The following ASB3 variants were observed in gnomAD, a reference collection of about 807,000 sequenced individuals.
ASB3 encodes the protein ankyrin repeat and SOCS box containing 3.
Under a neutral mutation model 54.5 loss-of-function variants are expected in ASB3, and 41 were observed. The observed-to-expected ratio is 0.75, with a 90% CI of 0.59 to 0.98. The LOEUF (loss-of-function observed/expected upper bound fraction) is 0.98. Among genes scored for constraint, ASB3 ranks in the 50% least tolerant of loss-of-function variants. ASB3 has a pLI of 0.00. For missense variants in ASB3, 733 were observed against 620.0 expected, an observed-to-expected ratio of 1.18 and a Z score of -1.94; for synonymous variants, 266 against 221.2, an observed-to-expected ratio of 1.20 and a Z score of -1.80.
chr2:53,707,986 GAAAGAAAAGA>G (rs1339297561), intron 7 of ASB3, among the ~76,000 whole-genome samples: 1 of 149,736 alleles, frequency 6.7e-6, no homozygotes, highest in Non-Finnish European at 1.5e-5. Context: ...AAGAAAGAAA[GAAAGAAAAGA>G]AAAGAAAAAG....
chr2:53,701,046 G>C (rs1669464338), intron 7 of ASB3, among the ~76,000 whole-genome samples: 1 of 152,064 alleles, frequency 6.6e-6, no homozygotes, highest in South Asian at 2.1e-4. Context: ...CACAATCAAG[G>C]CTCACTGTAA....
At chr2:53,743,949 A>C (rs140071766) in intron 3 of ASB3, among the ~76,000 whole-genome samples, 3,538 of 152,112 alleles carry the variant, frequency 0.023, 55 homozygotes, top group Middle Eastern at 0.092. Context: ...AGGCTAAGGC[A>C]CAAGAATCCC....
intron 7 of ASB3, among the ~76,000 whole-genome samples, chr2:53,709,558 G>A (rs12474738): frequency 2.0e-5 from 3 of 152,174 alleles, no homozygotes; most frequent in Admixed American, 2.0e-4. Flanking sequence ...GGTGGAAAGA[G>A]CATGTTTCTC....
At chr2:53,685,460 C>T (rs1668585421) in intron 9 of ASB3, among the ~76,000 whole-genome samples, 1 of 152,172 alleles carries the variant, frequency 6.6e-6, no homozygotes, top group East Asian at 1.9e-4. Context: ...CACCTTTCCC[C>T]CACCAGAGAA....
chr2:53,731,170 G>A (rs572723674), intron 3 of ASB3, among the ~76,000 whole-genome samples: 3 of 152,310 alleles, frequency 2.0e-5, no homozygotes, highest in Admixed American at 1.3e-4. Context: ...GGGAGGCTAA[G>A]GCGGGTGGAC....
intron 2 of ASB3, among the ~76,000 whole-genome samples, chr2:53,763,840 C>G (rs74711413): frequency 0.011 from 1,635 of 152,262 alleles, 31 homozygotes; most frequent in African/African-American, 0.037. Flanking sequence ...CAAACAGATT[C>G]TGAAAACATA....
At chr2:53,767,907 G>T in intron 1 of ASB3, 1 of 1,612,966 alleles carries the variant, frequency 6.2e-7, no homozygotes, top group East Asian at 2.2e-5. Flanking sequence ...TTGGTTACGG[G>T]TCCCTGATCT....
chr2:53,682,130 AG>A (rs1668406963), intron 9 of ASB3, among the ~76,000 whole-genome samples: 1 of 150,748 alleles, frequency 6.6e-6, no homozygotes, highest in South Asian at 2.1e-4. Flanking sequence ...ACTGCACTTC[AG>A]CCTGGGTGAC....
intron 1 of ASB3, chr2:53,768,147 G>A (rs1228667130): frequency 8.9e-7 from 1 of 1,122,174 alleles, no homozygotes; most frequent in Non-Finnish European, 1.2e-6. Context: ...CATGGCTTGG[G>A]GTAACATTTC....
At chr2:53,729,427 A>T (rs375527218) in intron 4 of ASB3, 31 bp downstream of exon 4, 5 of 1,607,614 alleles carry the variant, frequency 3.1e-6, no homozygotes, top group Admixed American at 1.7e-5. Flanking sequence ...CACAATTTAC[A>T]TGGAAATGAA....
At chr2:53,690,824 TA>T (rs1164162055) in intron 9 of ASB3, among the ~76,000 whole-genome samples, 2 of 152,056 alleles carry the variant, frequency 1.3e-5, no homozygotes, top group African/African-American at 4.8e-5. Flanking sequence ...AACACAGAAA[TA>T]AAAAGATCAA....
intron 5 of ASB3, among the ~76,000 whole-genome samples, chr2:53,727,937 G>C (rs1485505530): frequency 6.6e-6 from 1 of 152,078 alleles, no homozygotes. Flanking sequence ...TGTTGGCCAG[G>C]CTGGTCTCAA....
chr2:53,737,562 A>C (rs1039153936), intron 3 of ASB3, among the ~76,000 whole-genome samples: 3 of 152,124 alleles, frequency 2.0e-5, no homozygotes, highest in African/African-American at 7.2e-5. Context: ...GTCAAACACT[A>C]CTGAGGGGCC....
rs190714790 is a variant in ASB3, at chr2:53,701,288, T to A, written c.981-760A>T. ...CATTTATAATGGTATTAAAAAAAATTTAAAAACTTTTTTAATTAACACAAA... is the reference window on the plus strand; with the variant it reads ...CATTTATAATGGTATTAAAAAAAATATAAAAACTTTTTTAATTAACACAAA... On this transcript the variant is annotated intron_variant, in intron 7 of 9. Transcript: ENST00000263634. 2.3e-3 allele frequency among the ~76,000 whole-genome samples: 353 copies of A among 152,268 alleles called. 1 individual carries two copies. Among genetic ancestry groups the A allele is most frequent in the African/African-American group, 8.1e-3 (338 of 41,558 alleles).
At chr2:53,672,081 G>T (rs1355424302) in intron 9 of ASB3, among the ~76,000 whole-genome samples, 1 of 152,168 alleles carries the variant, frequency 6.6e-6, no homozygotes, top group African/African-American at 2.4e-5. Flanking sequence ...AGCCATAGAA[G>T]TTAACTCATC....
chr2:53,769,428 T>C (rs530624398), intron 1 of ASB3, among the ~76,000 whole-genome samples: 1 of 152,380 alleles, frequency 6.6e-6, no homozygotes, highest in South Asian at 2.1e-4. Context: ...TATAACAACA[T>C]ACTTTACTAG....
intron 5 of ASB3, 59 bp from the exon 6 acceptor site, chr2:53,716,802 A>C: frequency 6.6e-7 from 1 of 1,511,960 alleles, no homozygotes; most frequent in East Asian, 2.3e-5. Flanking sequence ...AAATCAACAC[A>C]AATTTCAAAG....
intron 3 of ASB3, among the ~76,000 whole-genome samples, chr2:53,731,573 A>G (rs113123886): frequency 2.6e-5 from 4 of 152,226 alleles, no homozygotes; most frequent in African/African-American, 9.6e-5. Context: ...CTATTTTTGT[A>G]TAAACGATCT....
chr2:53,768,893 T>C (rs769754437), intron 1 of ASB3, among the ~76,000 whole-genome samples: 7 of 152,170 alleles, frequency 4.6e-5, no homozygotes, highest in Non-Finnish European at 8.8e-5. Context: ...AATTTGGAAA[T>C]TGGTCAATGG....
Sources: allele counts gnomAD v4.1 joint callset (sites outside exome capture counted in the v4.1 genomes callset), GRCh38; gene constraint gnomAD v4.1.1; transcripts MANE v1.5; gene names NCBI Gene and HGNC (gene_info 2026-07-23, HGNC 2026-07-21).